Variants in PLA2G4A observed in about 807,000 individuals in gnomAD.
PLA2G4A encodes cytosolic phospholipase A2.
Under a neutral mutation model 81.9 loss-of-function variants are expected in PLA2G4A, and 40 were observed. That is an observed-to-expected ratio of 0.49 (90% CI 0.38 to 0.64). The LOEUF (loss-of-function observed/expected upper bound fraction) is 0.64. Among genes scored for constraint, PLA2G4A ranks in the 30% least tolerant of loss-of-function variants. The pLI is 0.00. For missense variants in PLA2G4A, 715 were observed against 905.1 expected (o/e 0.79, Z 2.69); for synonymous variants, 302 against 296.9 (o/e 1.02, Z -0.18).
intron 15 of PLA2G4A, among the ~76,000 whole-genome samples, chr1:186,969,169 T>C: frequency 6.6e-6 from 1 of 151,788 alleles, no homozygotes; most frequent in Non-Finnish European, 1.5e-5. Flanking sequence ...TTTCAAATAT[T>C]TATGTAGGAG....
chr1:186,949,712 G>T (rs1376411685), intron 12 of PLA2G4A, among the ~76,000 whole-genome samples: 1 of 151,714 alleles, frequency 6.6e-6, no homozygotes, highest in Non-Finnish European at 1.5e-5. Flanking sequence ...GCTCATTCAC[G>T]CACATTTTAC....
At chr1:186,976,895 G>T (rs1165190981) in intron 15 of PLA2G4A, among the ~76,000 whole-genome samples, 3 of 152,156 alleles carry the variant, frequency 2.0e-5, no homozygotes, top group Non-Finnish European at 2.9e-5. Flanking sequence ...ACCCGTGGAG[G>T]CTCTGTTCTA....
At chr1:186,859,369 A>T (rs1204275634) in intron 2 of PLA2G4A, among the ~76,000 whole-genome samples, 1 of 152,198 alleles carries the variant, frequency 6.6e-6, no homozygotes, top group Non-Finnish European at 1.5e-5. Context: ...TTCAAAATTT[A>T]TTGAAGTTTT....
At chr1:186,933,221 T>TA (rs1655817341) in intron 8 of PLA2G4A, among the ~76,000 whole-genome samples, 1 of 152,200 alleles carries the variant, frequency 6.6e-6, no homozygotes, top group Non-Finnish European at 1.5e-5. Flanking sequence ...CATAATTAAT[T>TA]TAATCTTCTT....
chr1:186,928,060 A>T (rs1474803078), intron 7 of PLA2G4A, among the ~76,000 whole-genome samples: 1 of 152,088 alleles, frequency 6.6e-6, no homozygotes, highest in Non-Finnish European at 1.5e-5. Context: ...AGGTTTCAGG[A>T]ATCAAGAGGT....
chr1:186,914,906 T>C (rs924665156), intron 7 of PLA2G4A, among the ~76,000 whole-genome samples: 6 of 152,200 alleles, frequency 3.9e-5, no homozygotes, highest in Admixed American at 3.3e-4. Context: ...CATGTCTTCT[T>C]GCAAGACGGA....
At chr1:186,960,197 C>A (rs949876514) in intron 14 of PLA2G4A, among the ~76,000 whole-genome samples, 2 of 152,118 alleles carry the variant, frequency 1.3e-5, no homozygotes, top group Non-Finnish European at 2.9e-5. Flanking sequence ...CATATGACTT[C>A]TTTCCTGTTT....
chr1:186,860,309 C>T (rs758921374), intron 2 of PLA2G4A, among the ~76,000 whole-genome samples: 8 of 152,114 alleles, frequency 5.3e-5, no homozygotes, highest in African/African-American at 1.4e-4. Flanking sequence ...CCATCTCAAG[C>T]TGGAAATGCT....
chr1:186,953,942 G>C (rs1025429569), intron 13 of PLA2G4A, among the ~76,000 whole-genome samples: 3 of 128,170 alleles, frequency 2.3e-5, no homozygotes, highest in Non-Finnish European at 5.7e-5. Flanking sequence ...AGCCTGAATT[G>C]TTCTAGTAAA....
chr1:186,846,023 A>G (rs1652160711), intron 1 of PLA2G4A, among the ~76,000 whole-genome samples: 1 of 152,248 alleles, frequency 6.6e-6, no homozygotes, highest in Admixed American at 6.5e-5. Context: ...TAGCTTAGTT[A>G]TAAGAAACAA....
intron 14 of PLA2G4A, among the ~76,000 whole-genome samples, chr1:186,964,581 C>G (rs897820575): frequency 6.6e-6 from 1 of 152,088 alleles, no homozygotes; most frequent in Non-Finnish European, 1.5e-5. Flanking sequence ...TGTTCCGTAT[C>G]ATTATTCTTA....
chr1:186,846,810 A>G (rs1466244686), intron 1 of PLA2G4A, among the ~76,000 whole-genome samples: 1 of 151,208 alleles, frequency 6.6e-6, no homozygotes, highest in Non-Finnish European at 1.5e-5. Context: ...GCCCATTTTA[A>G]TTCCTTCATT....
chr1:186,936,862 TAAACC>T (rs1329264900), intron 8 of PLA2G4A, among the ~76,000 whole-genome samples: 1 of 151,920 alleles, frequency 6.6e-6, no homozygotes, highest in Non-Finnish European at 1.5e-5. Flanking sequence ...TTTATATAAA[TAAACC>T]TAAGTCCCTT....
At chr1:186,925,820 T>C (rs1197538983) in intron 7 of PLA2G4A, among the ~76,000 whole-genome samples, 1 of 152,268 alleles carries the variant, frequency 6.6e-6, no homozygotes, top group Non-Finnish European at 1.5e-5. Context: ...ATTTGGTGAC[T>C]GTGACTGTTT....
intron 7 of PLA2G4A, among the ~76,000 whole-genome samples, chr1:186,919,931 A>C (rs1163225597): frequency 6.6e-6 from 1 of 152,160 alleles, no homozygotes; most frequent in African/African-American, 2.4e-5. Context: ...ATAATTCCAT[A>C]GGCTTTCAAG....
At chr1:186,853,118 T>G (rs1652433482) in intron 1 of PLA2G4A, among the ~76,000 whole-genome samples, 1 of 151,904 alleles carries the variant, frequency 6.6e-6, no homozygotes, top group Admixed American at 6.6e-5. Flanking sequence ...ACGGGGGGAA[T>G]CCTTATTTTT....
chr1:186,917,501 G>A (rs1171089198), intron 7 of PLA2G4A, among the ~76,000 whole-genome samples: 1 of 152,082 alleles, frequency 6.6e-6, no homozygotes, highest in East Asian at 1.9e-4. Context: ...TTGATAGTCC[G>A]ATTCATTCGC....
At chr1:186,937,940 G>A (rs1656013741) in intron 8 of PLA2G4A, among the ~76,000 whole-genome samples, 2 of 152,170 alleles carry the variant, frequency 1.3e-5, no homozygotes. Flanking sequence ...AGGGGCCTAA[G>A]AAGAATTAGT....
chr1:186,854,483 A>G (rs1652483349), intron 2 of PLA2G4A, 96 bp downstream of exon 2: 1 of 807,934 alleles, frequency 1.2e-6, no homozygotes, highest in Non-Finnish European at 2.2e-6. Context: ...AACTGTGACA[A>G]CTTCTGCATT....
Sources: gnomAD v4.1 joint callset for allele counts (sites outside exome capture counted in the v4.1 genomes callset) on GRCh38, gnomAD v4.1.1 for gene constraint, MANE v1.5 for transcripts, NCBI Gene and HGNC (gene_info 2026-07-23, HGNC 2026-07-21) for gene names.